The following MMP16 variants were observed in gnomAD, a reference collection of about 807,000 sequenced individuals.
The protein encoded by MMP16 is matrix metalloproteinase-16.
Under a neutral mutation model 67.8 loss-of-function variants are expected in MMP16, and 12 were observed. The ratio of observed to expected loss-of-function variants is 0.18; its 90% confidence interval spans 0.11 to 0.29. The LOEUF (loss-of-function observed/expected upper bound fraction) is 0.29. Among genes scored for constraint, MMP16 ranks in the 10% least tolerant of loss-of-function variants. The pLI is 1.00. For missense variants in MMP16, 475 were observed against 765.7 expected, an observed-to-expected ratio of 0.62 and a Z score of 4.48; for synonymous variants, 249 against 255.9, an observed-to-expected ratio of 0.97 and a Z score of 0.26.
intron 1 of MMP16, among the ~76,000 whole-genome samples, chr8:88,197,709 A>G (rs1052573813): frequency 7.9e-5 from 12 of 152,174 alleles, no homozygotes; most frequent in African/African-American, 2.9e-4. Flanking sequence ...AGGGCAGTCA[A>G]TGTGCATATA....
At chr8:88,230,819 T>G (rs1016995525) in intron 1 of MMP16, among the ~76,000 whole-genome samples, 11 of 152,142 alleles carry the variant, frequency 7.2e-5, no homozygotes, top group African/African-American at 2.7e-4. Context: ...TTCATGAATT[T>G]GCAACCTGCA....
intron 1 of MMP16, among the ~76,000 whole-genome samples, chr8:88,289,939 C>A (rs984456540): frequency 5.3e-5 from 8 of 152,224 alleles, no homozygotes; most frequent in African/African-American, 1.7e-4. Flanking sequence ...CCTGCACTGC[C>A]CCCTACTGCC....
intron 1 of MMP16, among the ~76,000 whole-genome samples, chr8:88,293,734 G>A (rs1279846139): frequency 1.3e-5 from 2 of 152,030 alleles, no homozygotes; most frequent in Admixed American, 1.3e-4. Context: ...GCTTCAGACT[G>A]TTTAAACAAT....
At position 88,122,892 on chromosome 8, in the gene MMP16, T is replaced by A. The variant is rs573636897; in HGVS notation, c.710-4031A>T. ...ATCCATGACTTCCATCTTATCTCTC[T>A]CTCTCTCTCCCCTCCTCCCCCCACC... On this transcript the variant is annotated intron_variant, in intron 4 of 9. Transcript: ENST00000286614. 2.2e-3 allele frequency among the ~76,000 whole-genome samples: 334 copies of A among 151,626 alleles called. 1 individual carries two copies. The highest frequency in any genetic ancestry group is 7.7e-3 in the African/African-American group (320 of 41,350).
intron 1 of MMP16, among the ~76,000 whole-genome samples, chr8:88,306,858 G>A (rs1337837047): frequency 6.6e-6 from 1 of 152,152 alleles, no homozygotes; most frequent in Non-Finnish European, 1.5e-5. Flanking sequence ...CATTCCCCTT[G>A]AAAATTGGCA....
intron 4 of MMP16, among the ~76,000 whole-genome samples, chr8:88,160,592 C>T (rs186950553): frequency 2.0e-4 from 30 of 152,206 alleles, no homozygotes; most frequent in African/African-American, 6.0e-4. Context: ...GATACCACCT[C>T]GCACCAGTTA....
intron 1 of MMP16, among the ~76,000 whole-genome samples, chr8:88,286,713 C>T (rs1418696117): frequency 6.6e-6 from 1 of 151,942 alleles, no homozygotes; most frequent in Non-Finnish European, 1.5e-5. Flanking sequence ...GTAGCTGCTA[C>T]TACAGGCGCC....
At chr8:88,186,442 G>A (rs1374494733) in intron 3 of MMP16, 34 bp downstream of exon 3, 20 of 1,610,178 alleles carry the variant, frequency 1.2e-5, no homozygotes, top group Non-Finnish European at 1.6e-5. Flanking sequence ...ATGAAATATG[G>A]GGAAAAGGGG....
rs147002640 is a variant in MMP16, at chr8:88,133,568, TATA to T, written c.710-14710_710-14708del. ...TACAGTAGTCACATTCCTTACATGCTATAATGAGTAATTCAGTCATCCTTCTCT... is the reference window on the plus strand; with the variant it reads ...TACAGTAGTCACATTCCTTACATGCTATGAGTAATTCAGTCATCCTTCTCT... On this transcript the variant is annotated intron_variant, in intron 4 of 9. Coordinates refer to ENST00000286614, the MANE Select transcript of MMP16 (RefSeq NM_005941.5). Among the ~76,000 whole-genome samples the T allele has an allele frequency of 2.6e-5, 4 of 151,988 alleles. No individual in the cohort carries two copies. In the East Asian group the frequency reaches 5.8e-4, roughly 22 times the overall value.
intron 4 of MMP16, among the ~76,000 whole-genome samples, chr8:88,165,672 C>T (rs914959400): frequency 6.6e-6 from 1 of 152,006 alleles, no homozygotes; most frequent in African/African-American, 2.4e-5. Context: ...AACTGGTATG[C>T]CCCAACTACC....
chr8:88,089,124 G>A (rs1808891249), intron 6 of MMP16, among the ~76,000 whole-genome samples: 1 of 151,990 alleles, frequency 6.6e-6, no homozygotes, highest in East Asian at 1.9e-4. Context: ...ATAGTACCAG[G>A]TGTCATTTTG....
chr8:88,235,471 TC>T (rs1809926107), intron 1 of MMP16, among the ~76,000 whole-genome samples: 1 of 152,064 alleles, frequency 6.6e-6, no homozygotes, highest in African/African-American at 2.4e-5. Context: ...ATGCCAAAGT[TC>T]TAACCTGCTA....
At chr8:88,086,374 T>C (rs1808834486) in intron 6 of MMP16, among the ~76,000 whole-genome samples, 2 of 151,930 alleles carry the variant, frequency 1.3e-5, no homozygotes, top group African/African-American at 4.8e-5. Flanking sequence ...AAGATCGTAT[T>C]AGCAAGGTGC....
intron 6 of MMP16, among the ~76,000 whole-genome samples, chr8:88,115,434 T>C (rs1390334041): frequency 6.6e-6 from 1 of 152,100 alleles, no homozygotes; most frequent in African/African-American, 2.4e-5. Context: ...AATCTATTCA[T>C]GTGCTTGAAG....
chr8:88,309,324 GA>G (rs1811260007), intron 1 of MMP16, among the ~76,000 whole-genome samples: 2 of 151,088 alleles, frequency 1.3e-5, no homozygotes, highest in African/African-American at 4.9e-5. Context: ...TGCACTGGTA[GA>G]AAAAAATCTC....
At chr8:88,293,708 T>G (rs1237441553) in intron 1 of MMP16, among the ~76,000 whole-genome samples, 1 of 152,156 alleles carries the variant, frequency 6.6e-6, no homozygotes, top group African/African-American at 2.4e-5. Flanking sequence ...AACTTTTTTT[T>G]AGAAAACCAA....
intron 1 of MMP16, among the ~76,000 whole-genome samples, chr8:88,286,933 C>T (rs1810842311): frequency 6.6e-6 from 1 of 152,100 alleles, no homozygotes; most frequent in African/African-American, 2.4e-5. Context: ...TAATTCATCC[C>T]TTCTTTGGTG....
At chr8:88,239,052 C>T (rs1809991397) in intron 1 of MMP16, among the ~76,000 whole-genome samples, 1 of 152,050 alleles carries the variant, frequency 6.6e-6, no homozygotes, top group Non-Finnish European at 1.5e-5. Flanking sequence ...AGCATCTTGC[C>T]TCACCTCCTT....
chr8:88,288,958 G>T (rs1334107696), intron 1 of MMP16, among the ~76,000 whole-genome samples: 3 of 152,166 alleles, frequency 2.0e-5, no homozygotes, highest in Non-Finnish European at 4.4e-5. Context: ...AGCCACACAA[G>T]AAACAAGATA....
Sources: gnomAD v4.1 joint callset for allele counts (sites outside exome capture counted in the v4.1 genomes callset) on GRCh38, gnomAD v4.1.1 for gene constraint, MANE v1.5 for transcripts, NCBI Gene and HGNC (gene_info 2026-07-23, HGNC 2026-07-21) for gene names.